The following A1BG variants were observed in gnomAD, a reference collection of about 807,000 sequenced individuals.
A1BG encodes the protein alpha-1-B glycoprotein, also known as alpha-1B-glycoprotein.
A1BG carries 44 observed loss-of-function variants against 46.0 expected under a neutral mutation model. That is an observed-to-expected ratio of 0.96 (90% CI 0.75 to 1.23). A1BG has a LOEUF of 1.23. Among genes scored for constraint, A1BG ranks in the 50% most tolerant of loss-of-function variants. The pLI is 0.00. For missense variants in A1BG, 707 were observed against 688.8 expected (o/e 1.03, Z -0.30); for synonymous variants, 316 against 314.7 (o/e 1.00, Z -0.04).
Position 58,351,490 on chromosome 19 carries a change from G to T in A1BG, c.811C>A (p.Leu271Met). 6.2e-7 allele frequency: 1 copy of T among 1,613,698 alleles called. No homozygotes were observed. The highest frequency in any genetic ancestry group is 2.2e-5 in the East Asian group (1 of 44,878). Residue 271 changes from leucine (L) to methionine (M), a missense_variant, in exon 5 of 8, where the codon CTG (leucine) becomes ATG (methionine). Coordinates refer to ENST00000263100, the MANE Select transcript of A1BG (RefSeq NM_130786.4). ...CAGGTGTAGTGACCTCCATCCCCCA[G>T]GGCCACCGCGTTCAGGTGAAAGAAG... ...RIFFHLNAVA[L>M]GDGGHYTCRY...
Position 58,350,646 on chromosome 19 carries a change from G to C in A1BG, c.916C>G (p.Leu306Val). Residue 306 changes from leucine to valine, a missense_variant, in exon 6 of 8, where the codon CTG becomes GTG. Coordinates refer to ENST00000263100, the MANE Select transcript of A1BG (RefSeq NM_130786.4). ...PVELILSDET[L>V]PAPEFSPEPE... is the part of the protein sequence containing the mutation. ...TCCGGGGAGAACTCCGGCGCGGGCA[G>C]CGTCTCTGCGGAGCAGCACACGGGC... The C allele has an allele frequency of 2.1e-6, 3 of 1,408,100 alleles. No individual in the cohort carries two copies. The highest frequency in any genetic ancestry group is 2.8e-6 in the Non-Finnish European group (3 of 1,086,540). 87.2% of individuals were successfully genotyped at this position (1,408,100 alleles called of 1,614,324 possible).
At position 58,347,534 on chromosome 19, in the gene A1BG, C is replaced by A. The variant is rs1301590859; in HGVS notation, c.1299G>T (p.Glu433Asp). The A allele has an allele frequency of 6.3e-7, 1 of 1,577,120 alleles. No individual in the cohort carries two copies. The highest frequency in any genetic ancestry group is 2.3e-5 in the East Asian group (1 of 43,436). ...CEGPIPDVTF[E>D]LLREGETKAV... is the part of the protein sequence containing the mutation. ...CCTTCGTCTCGCCCTCGCGCAGCAGCTCGAAGGTGACGTCGGGGATGGGTC... is the reference window on the plus strand; with the variant it reads ...CCTTCGTCTCGCCCTCGCGCAGCAGATCGAAGGTGACGTCGGGGATGGGTC... The change falls in exon 7 of 8, where the codon GAG (glutamate) becomes GAT (aspartate). Residue 433 changes from glutamate (E) to aspartate (D), a missense_variant. Coordinates refer to ENST00000263100, the MANE Select transcript of A1BG (RefSeq NM_130786.4).
chr19:58,352,409 C>G lies in A1BG; in HGVS notation c.487G>C (p.Glu163Gln). Reference protein sequence around the residue: ...EGDHEFLEVPEAQEDVEATFP... With the variant: ...EGDHEFLEVPQAQEDVEATFP... ...GTGGCCTCCACATCCTCCTGGGCCT[C>G]AGGCACCTCCAGAAACTCATGGTCG... Residue 163 changes from glutamate to glutamine, a missense_variant, in exon 4 of 8, where the codon GAG becomes CAG. Physicochemically the swap from Glu to Gln is conservative, Grantham distance 29 (BLOSUM62 2). Coordinates refer to ENST00000263100, the MANE Select transcript of A1BG (RefSeq NM_130786.4). 1 of 1,613,940 alleles carries G rather than the reference C, an allele frequency of 6.2e-7. No individual in the cohort carries two copies. The highest frequency in any genetic ancestry group is 8.5e-7 in the Non-Finnish European group (1 of 1,180,024).
At chr19:58,347,116 G>GC (rs1009755792) in intron 7 of A1BG, 87 bp from the exon 8 acceptor site, 59 of 1,528,050 alleles carry the variant, frequency 3.9e-5, no homozygotes, top group East Asian at 1.1e-4. Context: ...CCTCCCTGAC[G>GC]CCCCCCCGGA....
chr19:58,350,820 G>T, intron 5 of A1BG, 169 bp from the exon 6 acceptor site: 1 of 585,156 alleles, frequency 1.7e-6, no homozygotes, highest in Non-Finnish European at 2.6e-6. Context: ...CCCAGTCCTT[G>T]GATATCTCAC....
intron 5 of A1BG, chr19:58,350,875 A>G (rs1025201415): frequency 2.2e-6 from 1 of 460,728 alleles, no homozygotes; most frequent in African/African-American, 2.0e-5. Flanking sequence ...GTCTACAGAC[A>G]CAGACGGGAA....
intron 4 of A1BG, 162 bp downstream of exon 4, chr19:58,352,121 T>G: frequency 6.8e-7 from 1 of 1,470,556 alleles, no homozygotes; most frequent in Non-Finnish European, 8.9e-7. Flanking sequence ...GGGCATCCTC[T>G]GCCCAAACTC....
rs1269561605 is a variant in A1BG at position 58,345,716 on chromosome 19, CAAGA to C, written c.*1302_*1305del. ...GTTTTAAAAATTGATAAACCACTAG[CAAGA>C]AAGAGAGAGAGGACACATCAGGCTT... On this transcript the variant is annotated 3_prime_UTR_variant, in exon 8 of 8. Transcript: ENST00000263100. 4 of 152,318 alleles carry C rather than the reference CAAGA, an allele frequency of 2.6e-5. No homozygotes were observed. Among genetic ancestry groups the C allele is most frequent in the African/African-American group, 7.2e-5 (3 of 41,416 alleles). The allele number at this position is 152,318 out of a possible 1,614,324, so 9.4% of individuals were successfully genotyped here.
chr19:58,351,933 C>G (rs1165285888), intron 4 of A1BG: 1 of 711,570 alleles, frequency 1.4e-6, no homozygotes, highest in African/African-American at 1.8e-5. Context: ...GTAGCTGGTA[C>G]TACAGGCACC....
In A1BG at chr19:58,353,128, A is replaced by G. The variant is rs1483000200; in HGVS notation, c.140T>C (p.Leu47Pro). ...SLLKPLANVT[L>P]TCQAHLETPD... is the part of the protein sequence containing the mutation. ...AGTCTCCAGGTGGGCCTGGCACGTC[A>G]GCGTCACATTGGCCAAGGGTTTCAG... The change falls in exon 3 of 8, where the codon CTG becomes CCG. Residue 47 changes from leucine (L) to proline (P), a missense_variant. By Grantham distance (98) the Leu-to-Pro change is moderately conservative (BLOSUM62 -3). Coordinates refer to ENST00000263100, the MANE Select transcript of A1BG (RefSeq NM_130786.4). 2 of 1,614,126 alleles carry G rather than the reference A, an allele frequency of 1.2e-6. No individual in the cohort carries two copies. The highest frequency in any genetic ancestry group is 2.2e-5 in the East Asian group (1 of 44,874).
In A1BG at chr19:58,351,647, G is replaced by A. The variant is rs2051960065; in HGVS notation, c.654C>T (p.Ser218=). The A allele has an allele frequency of 6.2e-7, 1 of 1,610,436 alleles. No individual in the cohort carries two copies. Among genetic ancestry groups the A allele is most frequent in the Non-Finnish European group, 8.5e-7 (1 of 1,178,754 alleles). ...TGTTGCCAGGGTGCAGGACCTGGGAGGACTCTCCATGGTGCATCAGCACAG... is the reference window on the plus strand; with the variant it reads ...TGTTGCCAGGGTGCAGGACCTGGGAAGACTCTCCATGGTGCATCAGCACAG... The part of the protein sequence containing the change: ...PPPVLMHHGE[S]SQVLHPGNKV... Residue 218 remains serine (S), a synonymous_variant, in exon 5 of 8, where the codon TCC becomes TCT. Coordinates refer to ENST00000263100, the MANE Select transcript of A1BG (RefSeq NM_130786.4).
In A1BG at chr19:58,346,019, G is replaced by A. The variant is rs1309005950; in HGVS notation, c.*1003C>T. On this transcript the variant is annotated 3_prime_UTR_variant, in exon 8 of 8. Transcript: ENST00000263100. ...GAGGGATAATGGGAAAGAACACAGA[G>A]GAATCCAGCCATTTCCACAGCGTCC... 6.6e-6 allele frequency: 1 copy of A among 152,302 alleles called. No individual in the cohort carries two copies. Among genetic ancestry groups the A allele is most frequent in the Non-Finnish European group, 1.5e-5 (1 of 68,074 alleles). 9.4% of individuals were successfully genotyped at this position (152,302 alleles called of 1,614,324 possible).
chr19:58,351,191 C>G, intron 5 of A1BG, 200 bp downstream of exon 5: 2 of 695,336 alleles, frequency 2.9e-6, no homozygotes, highest in Non-Finnish European at 4.8e-6. Context: ...CCTGTTCACC[C>G]AGTTATTCCC....
chr19:58,350,727 C>T (rs2051950410), intron 5 of A1BG, 76 bp from the exon 6 acceptor site: 1 of 1,299,770 alleles, frequency 7.7e-7, no homozygotes, highest in Middle Eastern at 2.9e-4. Flanking sequence ...GCCTCGCGCT[C>T]TTTGCCTTGG....
intron 5 of A1BG, 137 bp from the exon 6 acceptor site, chr19:58,350,788 C>T (rs757703874): frequency 4.6e-6 from 4 of 877,836 alleles, no homozygotes; most frequent in Non-Finnish European, 6.2e-6. Context: ...TCGCCTCCTC[C>T]GGGCCCGCCC....
At position 58,350,508 on chromosome 19, in the gene A1BG, G is replaced by A. The variant is rs1214712797; in HGVS notation, c.1054C>T (p.Pro352Ser). The change falls in exon 6 of 8, where the codon CCC becomes TCC. Residue 352 changes from proline to serine, a missense_variant. Transcript: ENST00000263100. ...TCGAAGAGCGCCTCGGTCCCAGCGG[G>A]GCTCTGGAAACGGTGCACGCGGCGC... ...GGRRVHRFQS[P>S]AGTEALFELH... 1.3e-6 allele frequency: 2 copies of A among 1,555,086 alleles called. No homozygotes were observed. Among genetic ancestry groups the A allele is most frequent in the South Asian group, 1.2e-5 (1 of 84,448 alleles).
chr19:58,350,575 C>T lies in A1BG; in HGVS notation c.987G>A (p.Leu329=). 6.6e-7 allele frequency: 1 copy of T among 1,521,626 alleles called. No individual in the cohort carries two copies. Among genetic ancestry groups the T allele is most frequent in the South Asian group, 1.2e-5 (1 of 81,040 alleles). 94.3% of individuals were successfully genotyped at this position (1,521,626 alleles called of 1,614,324 possible). ...GCACCAGGGCGAAGCGCGCGCCCTC[C>T]AGGGGCGCCAGGCACCGCAGCCGCA... ...RALRLRCLAP[L]EGARFALVRE... Residue 329 remains leucine, a synonymous_variant, in exon 6 of 8, where the codon CTG becomes CTA. Coordinates refer to ENST00000263100, the MANE Select transcript of A1BG (RefSeq NM_130786.4).
intron 7 of A1BG, 56 bp downstream of exon 7, chr19:58,347,297 A>G: frequency 1.2e-6 from 2 of 1,603,932 alleles, no homozygotes; most frequent in Non-Finnish European, 1.7e-6. Flanking sequence ...AGGTGGGCAC[A>G]GCCCAGGCAA....
At chr19:58,347,158 C>G (rs955581461) in intron 7 of A1BG, 129 bp from the exon 8 acceptor site, 9 of 1,361,964 alleles carry the variant, frequency 6.6e-6, no homozygotes, top group Non-Finnish European at 8.1e-6. Context: ...CAGCCGAGAC[C>G]CCCATCTGCG....
Sources: allele counts gnomAD v4.1 joint callset, GRCh38; gene constraint gnomAD v4.1.1; transcripts MANE v1.5; gene names NCBI Gene and HGNC (gene_info 2026-07-23, HGNC 2026-07-21).